Variants in TTLL5 observed in about 807,000 individuals in gnomAD.
TTLL5 encodes tubulin polyglutamylase TTLL5.
In TTLL5, 132 loss-of-function variants were observed where a neutral mutation model predicts 168.4. The observed-to-expected ratio is 0.78, with a 90% confidence interval of 0.68 to 0.91. The LOEUF (loss-of-function observed/expected upper bound fraction) is 0.91. Among genes scored for constraint, TTLL5 ranks in the 40% least tolerant of loss-of-function variants. The pLI is 0.00. For synonymous variants in TTLL5, 546 were observed against 558.6 expected, an observed-to-expected ratio of 0.98 and a Z score of 0.32; for missense variants, 1,545 against 1,581.5, an observed-to-expected ratio of 0.98 and a Z score of 0.39.
Position 75,717,953 on chromosome 14 carries a change from A to C in TTLL5, c.833A>C (p.Asp278Ala). Residue 278 changes from aspartate (D) to alanine (A), a missense_variant, in exon 10 of 32, where the codon GAT becomes GCT. Coordinates refer to ENST00000298832, the MANE Select transcript of TTLL5 (RefSeq NM_015072.5). ...TNYSVNKKSG[D>A]YVSCDDPEVE... Reference sequence around the variant, plus strand: ...TACAGTGTCAACAAGAAAAGTGGAGATTACGTCAGGTACTGGCTGTGTCTG... The same window carrying C: ...TACAGTGTCAACAAGAAAAGTGGAGCTTACGTCAGGTACTGGCTGTGTCTG... 6.2e-7 allele frequency: 1 copy of C among 1,613,426 alleles called. No homozygotes were observed. The highest frequency in any genetic ancestry group is 8.5e-7 in the Non-Finnish European group (1 of 1,179,826).
chr14:75,712,589 CT>C (rs1887164702), intron 9 of TTLL5: 1 of 151,172 alleles, frequency 6.6e-6, no homozygotes, highest in Admixed American at 6.6e-5. Context: ...AAAGATCCCA[CT>C]AACTCTCTGC....
At chr14:75,744,101 G>T (rs1353610277) in intron 15 of TTLL5, among the ~76,000 whole-genome samples, 1 of 152,176 alleles carries the variant, frequency 6.6e-6, no homozygotes, top group African/African-American at 2.4e-5. Context: ...CCTTTGAATA[G>T]ATATTCTACA....
chr14:75,911,880 C>A (rs928925277), intron 31 of TTLL5, among the ~76,000 whole-genome samples: 2 of 152,154 alleles, frequency 1.3e-5, no homozygotes, highest in Non-Finnish European at 2.9e-5. Flanking sequence ...TACATTTATT[C>A]TTATTATTAC....
chr14:75,744,850 T>G, intron 15 of TTLL5: 1 of 274,864 alleles, frequency 3.6e-6, no homozygotes, highest in Non-Finnish European at 6.9e-6. Flanking sequence ...TCTTTCTTTC[T>G]TCTCTTTTCT....
intron 31 of TTLL5, among the ~76,000 whole-genome samples, chr14:75,918,256 G>A (rs562962938): frequency 4.5e-4 from 68 of 152,286 alleles, no homozygotes; most frequent in South Asian, 4.2e-3. Flanking sequence ...GTCTAGAGAG[G>A]TGGTCTTTTA....
chr14:75,919,654 G>C (rs1049517759), intron 31 of TTLL5, among the ~76,000 whole-genome samples: 1 of 151,982 alleles, frequency 6.6e-6, no homozygotes, highest in Non-Finnish European at 1.5e-5. Flanking sequence ...CTACATGAAA[G>C]GGCTAAAACT....
At chr14:75,930,901 A>G (rs1407964557) in intron 31 of TTLL5, among the ~76,000 whole-genome samples, 1 of 152,204 alleles carries the variant, frequency 6.6e-6, no homozygotes, top group Non-Finnish European at 1.5e-5. Flanking sequence ...TTGGTCTTTA[A>G]CAACACTGAG....
At chr14:75,926,754 G>A (rs563406370) in intron 31 of TTLL5, among the ~76,000 whole-genome samples, 1 of 152,198 alleles carries the variant, frequency 6.6e-6, no homozygotes, top group East Asian at 1.9e-4. Context: ...CAGTTTGGCA[G>A]TTCCTGAAAC....
intron 27 of TTLL5, among the ~76,000 whole-genome samples, chr14:75,797,747 C>T (rs967777236): frequency 6.6e-6 from 1 of 152,126 alleles, no homozygotes; most frequent in Non-Finnish European, 1.5e-5. Flanking sequence ...ACCATGCCCG[C>T]ATCCCTGGTA....
intron 31 of TTLL5, among the ~76,000 whole-genome samples, chr14:75,918,172 A>C (rs2140131190): frequency 6.6e-6 from 1 of 152,312 alleles, no homozygotes; most frequent in East Asian, 1.9e-4. Context: ...CTTTCTTGGA[A>C]GCCCAGCAGT....
At chr14:75,883,053 G>A in intron 30 of TTLL5, 151 bp downstream of exon 30, 1 of 897,690 alleles carries the variant, frequency 1.1e-6, no homozygotes, top group Non-Finnish European at 1.6e-6. Flanking sequence ...TTCTCAGCGT[G>A]GGCTACAAAT....
At chr14:75,834,126 A>G (rs1895740912) in intron 28 of TTLL5, among the ~76,000 whole-genome samples, 1 of 152,210 alleles carries the variant, frequency 6.6e-6, no homozygotes, top group African/African-American at 2.4e-5. Context: ...ATGCTAGTAA[A>G]AGGCATGTGG....
At chr14:75,873,049 C>T (rs952152714) in intron 29 of TTLL5, among the ~76,000 whole-genome samples, 34 of 150,512 alleles carry the variant, frequency 2.3e-4, no homozygotes, top group Middle Eastern at 3.4e-3. Context: ...TAACTATATG[C>T]ATACTGTACC....
intron 3 of TTLL5, among the ~76,000 whole-genome samples, chr14:75,675,956 G>A (rs1884116056): frequency 6.6e-6 from 1 of 152,208 alleles, no homozygotes; most frequent in African/African-American, 2.4e-5. Context: ...TGGTGGTCCA[G>A]TTTGAAAGCC....
At chr14:75,868,440 C>G (rs1024081586) in intron 29 of TTLL5, among the ~76,000 whole-genome samples, 6 of 152,190 alleles carry the variant, frequency 3.9e-5, no homozygotes, top group Non-Finnish European at 8.8e-5. Flanking sequence ...CTAAATTTCT[C>G]TCATCCTTCT....
intron 6 of TTLL5, among the ~76,000 whole-genome samples, chr14:75,694,482 G>A (rs567398734): frequency 6.2e-4 from 94 of 152,054 alleles, no homozygotes; most frequent in Non-Finnish European, 1.2e-3. Context: ...GATTACAGAT[G>A]TGCACCATGC....
At chr14:75,836,300 A>T (rs1264011711) in intron 28 of TTLL5, among the ~76,000 whole-genome samples, 2 of 151,728 alleles carry the variant, frequency 1.3e-5, no homozygotes, top group Non-Finnish European at 2.9e-5. Flanking sequence ...AGAAAGACAA[A>T]TTTTGCATGT....
chr14:75,949,483 T>TAC (rs1478464820), intron 31 of TTLL5, among the ~76,000 whole-genome samples: 2 of 147,848 alleles, frequency 1.4e-5, no homozygotes. Context: ...ATATAAAGAA[T>TAC]ATATATATAT....
intron 3 of TTLL5, 43 bp from the exon 4 acceptor site, chr14:75,681,502 A>G (rs780469230): frequency 6.5e-7 from 1 of 1,543,028 alleles, no homozygotes; most frequent in East Asian, 2.2e-5. Context: ...TTGTTTTTAC[A>G]GTTAACTTTC....
Sources: allele counts gnomAD v4.1 joint callset (sites outside exome capture counted in the v4.1 genomes callset), GRCh38; gene constraint gnomAD v4.1.1; transcripts MANE v1.5; gene names NCBI Gene and HGNC (gene_info 2026-07-23, HGNC 2026-07-21).